Variants in TENM2 observed in about 807,000 individuals in gnomAD.
TENM2 encodes teneurin transmembrane protein 2, also known as teneurin-2.
A neutral mutation model predicts 245.2 loss-of-function variants in TENM2; 52 were observed. That is an observed-to-expected ratio of 0.21 (90% confidence interval 0.17 to 0.27). The LOEUF (loss-of-function observed/expected upper bound fraction) is 0.27, where lower values mean the gene tolerates loss of function less well. Among genes scored for constraint, TENM2 ranks in the 10% least tolerant of loss-of-function variants. The pLI is 1.00. For missense variants in TENM2, 3,046 were observed against 3,666.8 expected (o/e 0.83, Z 4.37); for synonymous variants, 1,363 against 1,438.9 (o/e 0.95, Z 1.19).
intron 2 of TENM2, among the ~76,000 whole-genome samples, chr5:167,463,477 T>C (rs571832764): frequency 4.6e-5 from 7 of 151,948 alleles, no homozygotes. Flanking sequence ...GAGTATTTTT[T>C]GAATACTAGA....
chr5:167,799,006 A>G (rs7730435), intron 2 of TENM2, among the ~76,000 whole-genome samples: 16,378 of 152,256 alleles, frequency 0.11, 1,385 homozygotes, highest in East Asian at 0.4. Flanking sequence ...TGGGGTTAGG[A>G]ATAGTCAGCG....
intron 1 of TENM2, among the ~76,000 whole-genome samples, chr5:167,307,586 A>T (rs1755754281): frequency 1.3e-5 from 2 of 152,142 alleles, no homozygotes; most frequent in Non-Finnish European, 2.9e-5. Context: ...CAGGGAGCTT[A>T]GGTGGTGATC....
the TENM2 span, among the ~76,000 whole-genome samples, chr5:167,178,421 T>G: frequency 6.6e-6 from 1 of 152,160 alleles, no homozygotes; most frequent in Non-Finnish European, 1.5e-5. Context: ...GGAAGTGAGT[T>G]TCTCATCCTG....
intron 7 of TENM2, among the ~76,000 whole-genome samples, chr5:168,066,862 A>C (rs1466681248): frequency 6.6e-6 from 1 of 152,210 alleles, no homozygotes; most frequent in Non-Finnish European, 1.5e-5. Flanking sequence ...ACAGAAGAAA[A>C]AGAATAATCT....
intron 2 of TENM2, among the ~76,000 whole-genome samples, chr5:167,429,014 A>C (rs973900831): frequency 5.9e-5 from 9 of 152,190 alleles, no homozygotes; most frequent in African/African-American, 2.2e-4. Flanking sequence ...CTGCATTCCC[A>C]GAAAGTATTT....
intron 2 of TENM2, among the ~76,000 whole-genome samples, chr5:167,754,579 G>T (rs1018510835): frequency 6.6e-6 from 1 of 152,006 alleles, no homozygotes; most frequent in Non-Finnish European, 1.5e-5. Flanking sequence ...AAGTGGAAAT[G>T]CCAGAGCAGA....
chr5:167,706,774 G>T (rs1283718445), intron 2 of TENM2, among the ~76,000 whole-genome samples: 3 of 151,734 alleles, frequency 2.0e-5, no homozygotes, highest in South Asian at 2.1e-4. Flanking sequence ...CAGCACTTTG[G>T]GAGGCCGAGG....
At chr5:168,054,151 A>AT (rs1238548536) in intron 6 of TENM2, among the ~76,000 whole-genome samples, 1 of 152,184 alleles carries the variant, frequency 6.6e-6, no homozygotes, top group Non-Finnish European at 1.5e-5. Flanking sequence ...ATTTCAAAAG[A>AT]TGTAAAAGCC....
chr5:168,238,418 G>A (rs902849596), intron 25 of TENM2, among the ~76,000 whole-genome samples: 12 of 152,182 alleles, frequency 7.9e-5, no homozygotes, highest in African/African-American at 2.6e-4. Flanking sequence ...TTTAAACGTC[G>A]CCAGACAGGG....
intron 1 of TENM2, among the ~76,000 whole-genome samples, chr5:167,313,596 A>C (rs560461742): frequency 6.6e-6 from 1 of 152,272 alleles, no homozygotes; most frequent in African/African-American, 2.4e-5. Flanking sequence ...GGCCTATAGC[A>C]TTTATTATTA....
At chr5:168,137,872 A>G (rs971989719) in intron 12 of TENM2, among the ~76,000 whole-genome samples, 4 of 152,202 alleles carry the variant, frequency 2.6e-5, no homozygotes, top group African/African-American at 9.7e-5. Flanking sequence ...ATCAGTATCT[A>G]TTCACTTACA....
At chr5:167,225,645 G>A in the TENM2 span, among the ~76,000 whole-genome samples, 1 of 151,856 alleles carries the variant, frequency 6.6e-6, no homozygotes, top group South Asian at 2.1e-4. Flanking sequence ...TTATGTTCTT[G>A]TCTGGGTTTG....
At chr5:168,140,548 G>A (rs1278729761) in intron 12 of TENM2, among the ~76,000 whole-genome samples, 1 of 152,146 alleles carries the variant, frequency 6.6e-6, no homozygotes, top group Non-Finnish European at 1.5e-5. Flanking sequence ...CTGTGTGCAT[G>A]CGTGTGTGTG....
Position 168,030,158 on chromosome 5 carries a change from C to CTTTTTTTTTTTTTTTTT in TENM2, c.1187-17256_1187-17240dup, listed in dbSNP as rs540326142. Among the ~76,000 whole-genome samples the CTTTTTTTTTTTTTTTTT allele has an allele frequency of 1.7e-4, 11 of 65,286 alleles. 1 individual carries two copies. The highest frequency in any genetic ancestry group is 4.3e-4 in the African/African-American group (6 of 13,818). The allele number at this position is 65,286 out of a possible 152,430, so 42.8% of individuals were successfully genotyped here. A position where few individuals can be genotyped will look rare whatever the true frequency, so the allele number is the denominator to read the frequency against. On this transcript the variant is annotated intron_variant, in intron 5 of 28. Transcript: ENST00000518659. ...CTTTGGCCCAAGTCTGGTTCTGGCT[C>CTTTTTTTTTTTTTTTTT]TTTTTTTTTTTTTTTTTTTTTTTTT...
At chr5:167,385,541 A>G (rs1396513383) in intron 2 of TENM2, among the ~76,000 whole-genome samples, 2 of 149,402 alleles carry the variant, frequency 1.3e-5, no homozygotes, top group Non-Finnish European at 3.0e-5. Flanking sequence ...ATTGGAGAAC[A>G]GGTGGTGTTT....
chr5:167,326,789 C>T (rs1305459795), intron 1 of TENM2, among the ~76,000 whole-genome samples: 11 of 150,486 alleles, frequency 7.3e-5, no homozygotes, highest in Non-Finnish European at 1.6e-4. Flanking sequence ...AAGTTACACT[C>T]AGTCATCACT....
chr5:168,163,912 G>A (rs1013648802), intron 13 of TENM2, among the ~76,000 whole-genome samples: 1 of 152,158 alleles, frequency 6.6e-6, no homozygotes, highest in African/African-American at 2.4e-5. Flanking sequence ...GGTGCCGGGG[G>A]TGATTACCCT....
chr5:167,070,210 C>G, the TENM2 span, among the ~76,000 whole-genome samples: 30 of 151,194 alleles, frequency 2.0e-4, no homozygotes, highest in African/African-American at 7.3e-4. Context: ...CTCCGCCTCC[C>G]GGGTTCACTC....
chr5:167,748,071 A>G (rs908120025), intron 2 of TENM2, among the ~76,000 whole-genome samples: 6 of 152,180 alleles, frequency 3.9e-5, no homozygotes, highest in Non-Finnish European at 8.8e-5. Context: ...CTTTTTGAAC[A>G]TGTACTTTCC....
Sources: gnomAD v4.1 joint callset for allele counts (sites outside exome capture counted in the v4.1 genomes callset) on GRCh38, gnomAD v4.1.1 for gene constraint, MANE v1.5 for transcripts, NCBI Gene and HGNC (gene_info 2026-07-23, HGNC 2026-07-21) for gene names.